UGT1A10: variants seen among roughly 807,000 people sequenced by gnomAD.
The protein encoded by UGT1A10 is UDP-glucuronosyltransferase 1A10.
A neutral mutation model predicts 45.8 loss-of-function variants in UGT1A10; 49 were observed. That is an observed-to-expected ratio of 1.07 (90% CI 0.85 to 1.36). UGT1A10 has a LOEUF of 1.36. UGT1A10 is among the 40% of genes most tolerant of loss of function. UGT1A10 has a pLI of 0.00. For missense variants in UGT1A10, 745 were observed against 668.6 expected (o/e 1.11, Z -1.26); for synonymous variants, 284 against 249.7 (o/e 1.14, Z -1.29).
At chr2:233,743,265 C>T (rs1186542660) in intron 1 of UGT1A10, 3 of 455,180 alleles carry the variant, frequency 6.6e-6, no homozygotes, top group Admixed American at 3.0e-5. Flanking sequence ...CATCTTCCTC[C>T]ACTTCCACCC....
At chr2:233,712,962 G>A (rs1424836209) in intron 1 of UGT1A10, 3 of 1,612,762 alleles carry the variant, frequency 1.9e-6, no homozygotes, top group African/African-American at 2.7e-5. Flanking sequence ...ACGTGGGGTG[G>A]ACAGTCAGCT....
At chr2:233,715,166 G>T (rs568439911) in intron 1 of UGT1A10, among the ~76,000 whole-genome samples, 1 of 152,228 alleles carries the variant, frequency 6.6e-6, no homozygotes, top group African/African-American at 2.4e-5. Context: ...AATTACAGGC[G>T]CGAGCCACCA....
chr2:233,637,579 A>C (rs536864837), intron 1 of UGT1A10, among the ~76,000 whole-genome samples: 1 of 152,222 alleles, frequency 6.6e-6, no homozygotes, highest in Non-Finnish European at 1.5e-5. Flanking sequence ...ATATGTAATA[A>C]TTTAAAAATT....
chr2:233,670,780 T>A (rs564873485), intron 1 of UGT1A10, among the ~76,000 whole-genome samples: 21 of 152,308 alleles, frequency 1.4e-4, no homozygotes, highest in Admixed American at 1.2e-3. Flanking sequence ...TCATGGGTTC[T>A]GGGTGGCTAG....
intron 1 of UGT1A10, chr2:233,719,128 C>G: frequency 6.2e-7 from 1 of 1,614,240 alleles, no homozygotes; most frequent in East Asian, 2.2e-5. Flanking sequence ...TTCTTTGAAA[C>G]AGAACATCTT....
Position 233,772,406 on chromosome 2 carries a change from G to A in UGT1A10, c.1440G>A (p.Trp480Ter), listed in dbSNP as rs866632307. Residue 480 changes from tryptophan to a stop codon, truncating the protein, a stop_gained, in exon 5 of 5, where the codon TGG (tryptophan) becomes TGA (stop). Transcript: ENST00000344644. LOFTEE classifies it high-confidence loss of function. ...GCCCCGCAGCCCACGACCTCACCTGGTACCAGTACCATTCCTTGGACGTGA... is the reference window on the plus strand; with the variant it reads ...GCCCCGCAGCCCACGACCTCACCTGATACCAGTACCATTCCTTGGACGTGA... The part of the protein sequence containing the change: ...HLRPAAHDLT[W>*]YQYHSLDVIG... 1 of 1,614,238 alleles carries A rather than the reference G, an allele frequency of 6.2e-7. No homozygotes were observed. Among genetic ancestry groups the A allele is most frequent in the Middle Eastern group, 1.6e-4 (1 of 6,062 alleles).
intron 1 of UGT1A10, chr2:233,682,126 T>C (rs1416949320): frequency 1.9e-6 from 3 of 1,614,070 alleles, no homozygotes; most frequent in Non-Finnish European, 2.5e-6. Flanking sequence ...CAGAGGTGAG[T>C]TGGCAACTGG....
At chr2:233,761,217 A>G (rs1266306783) in intron 1 of UGT1A10, 2 of 1,613,598 alleles carry the variant, frequency 1.2e-6, no homozygotes, top group Non-Finnish European at 1.7e-6. Flanking sequence ...GGATCGATTA[A>G]CTAGCCCCAG....
intron 1 of UGT1A10, among the ~76,000 whole-genome samples, chr2:233,662,849 G>A (rs2074002805): frequency 7.1e-6 from 1 of 141,288 alleles, no homozygotes; most frequent in South Asian, 2.2e-4. Flanking sequence ...TATGAATTTT[G>A]GACTCTGTCA....
At chr2:233,683,772 C>T (rs2074650079) in intron 1 of UGT1A10, among the ~76,000 whole-genome samples, 1 of 152,024 alleles carries the variant, frequency 6.6e-6, no homozygotes, top group Non-Finnish European at 1.5e-5. Flanking sequence ...TAATGTACTG[C>T]TTTGAGTTTT....
At chr2:233,695,416 G>A (rs2075286623) in intron 1 of UGT1A10, among the ~76,000 whole-genome samples, 1 of 143,254 alleles carries the variant, frequency 7.0e-6, no homozygotes, top group Non-Finnish European at 1.6e-5. Context: ...GAGCTACCGC[G>A]CCCGGCCTTC....
At chr2:233,686,815 C>T (rs549332293) in intron 1 of UGT1A10, among the ~76,000 whole-genome samples, 8 of 152,260 alleles carry the variant, frequency 5.3e-5, no homozygotes, top group Non-Finnish European at 7.4e-5. Flanking sequence ...CTTTTCCCTA[C>T]CTATTTTATT....
chr2:233,716,347 A>G (rs553481332), intron 1 of UGT1A10, among the ~76,000 whole-genome samples: 2 of 152,336 alleles, frequency 1.3e-5, no homozygotes, highest in East Asian at 1.9e-4. Flanking sequence ...CGCAACTACA[A>G]TGTAGATACT....
chr2:233,760,637 A>G (rs1399740159), intron 1 of UGT1A10: 1 of 1,614,182 alleles, frequency 6.2e-7, no homozygotes, highest in South Asian at 1.1e-5. Context: ...AAGAAAATAA[A>G]AAAGGACTCT....
Position 233,725,264 on chromosome 2 carries a change from GGAGGCAGAGGCA to G in UGT1A10, c.856-41728_856-41717del, listed in dbSNP as rs551912265. Among the ~76,000 whole-genome samples, 306 of 58,542 alleles carry G rather than the reference GGAGGCAGAGGCA, an allele frequency of 5.2e-3. 76 individuals are homozygous for G. The highest frequency in any genetic ancestry group is 9.6e-3 in the African/African-American group (73 of 7,632). 38.4% of individuals were successfully genotyped at this position (58,542 alleles called of 152,430 possible). ...CAGAGGCAGAGGAGGCAGAGGCAGA[GGAGGCAGAGGCA>G]GAGGCAGAGGCAGAGGCAGAGGCAG... On this transcript the variant is annotated intron_variant, in intron 1 of 4. Coordinates refer to ENST00000344644, the MANE Select transcript of UGT1A10 (RefSeq NM_019075.4).
At chr2:233,766,075 T>C (rs1699041647) in intron 1 of UGT1A10, among the ~76,000 whole-genome samples, 1 of 152,186 alleles carries the variant, frequency 6.6e-6, no homozygotes, top group Non-Finnish European at 1.5e-5. Context: ...CCCTCTACCT[T>C]GTCGCAAGGA....
intron 2 of UGT1A10, 147 bp from the exon 3 acceptor site, chr2:233,767,702 C>A: frequency 1.3e-6 from 2 of 1,514,192 alleles, no homozygotes; most frequent in Non-Finnish European, 1.8e-6. Flanking sequence ...AGTTGCCAGT[C>A]CTCAGAAGCC....
At chr2:233,674,636 G>T (rs1183537110) in intron 1 of UGT1A10, among the ~76,000 whole-genome samples, 1 of 121,776 alleles carries the variant, frequency 8.2e-6, no homozygotes, top group African/African-American at 2.6e-5. Flanking sequence ...CATTTATTTT[G>T]ATTATAAATA....
intron 1 of UGT1A10, among the ~76,000 whole-genome samples, chr2:233,644,978 A>C (rs1021291797): frequency 6.6e-6 from 1 of 152,148 alleles, no homozygotes; most frequent in Non-Finnish European, 1.5e-5. Context: ...AAAGGTTCTT[A>C]TGACCCCTGA....
Sources: allele counts gnomAD v4.1 joint callset (sites outside exome capture counted in the v4.1 genomes callset), GRCh38; gene constraint gnomAD v4.1.1; transcripts MANE v1.5; gene names NCBI Gene and HGNC (gene_info 2026-07-23, HGNC 2026-07-21).